The following TMEFF2 variants were observed in gnomAD, a reference collection of about 807,000 sequenced individuals.
TMEFF2 encodes transmembrane protein with EGF like and two follistatin like domains 2, also known as tomoregulin-2.
In TMEFF2, 28 loss-of-function variants were observed where a neutral mutation model predicts 53.8. The ratio of observed to expected loss-of-function variants is 0.52; its 90% confidence interval spans 0.39 to 0.71. The LOEUF is 0.71. TMEFF2 is among the 30% of genes least tolerant of loss of function. TMEFF2 has a pLI of 0.00. For missense variants in TMEFF2, 353 were observed against 455.2 expected, an observed-to-expected ratio of 0.78 and a Z score of 2.04; for synonymous variants, 162 against 166.3, an observed-to-expected ratio of 0.97 and a Z score of 0.20.
At chr2:192,075,332 T>TATATATATATATATATATACAC (rs796267672) in intron 4 of TMEFF2, among the ~76,000 whole-genome samples, 1 of 88,146 alleles carries the variant, frequency 1.1e-5, no homozygotes, top group African/African-American at 4.1e-5. Flanking sequence ...TATATATATA[T>TATATATATATATATATATACAC]ACATACATAC....
intron 4 of TMEFF2, among the ~76,000 whole-genome samples, chr2:192,126,731 C>T (rs67194313): frequency 0.15 from 22,383 of 152,098 alleles, 2,388 homozygotes; most frequent in African/African-American, 0.28. Flanking sequence ...GAAACTGAGG[C>T]TCAGAGAGAC....
chr2:192,165,050 C>A (rs1413590778), intron 4 of TMEFF2, among the ~76,000 whole-genome samples: 1 of 147,854 alleles, frequency 6.8e-6, no homozygotes, highest in Non-Finnish European at 1.5e-5. Context: ...GACTAGCAAG[C>A]CAAAGACACA....
At chr2:192,002,999 A>G (rs13432794) in intron 5 of TMEFF2, among the ~76,000 whole-genome samples, 32,487 of 152,134 alleles carry the variant, frequency 0.21, 4,165 homozygotes, top group East Asian at 0.41. Flanking sequence ...AAGCTTATTC[A>G]GTCAGAAAAA....
chr2:192,099,663 A>G (rs1270568395), intron 4 of TMEFF2, among the ~76,000 whole-genome samples: 1 of 152,108 alleles, frequency 6.6e-6, no homozygotes, highest in Non-Finnish European at 1.5e-5. Flanking sequence ...GTTTTTTGGT[A>G]TTGATTTTTT....
chr2:192,125,379 CATA>C (rs1455896526), intron 4 of TMEFF2, among the ~76,000 whole-genome samples: 1 of 152,040 alleles, frequency 6.6e-6, no homozygotes, highest in Non-Finnish European at 1.5e-5. Flanking sequence ...TATACTATTT[CATA>C]ATTTTAAAAA....
At chr2:192,193,336 A>G (rs767888450) in intron 1 of TMEFF2, among the ~76,000 whole-genome samples, 16 of 152,244 alleles carry the variant, frequency 1.1e-4, no homozygotes, top group African/African-American at 7.2e-5. Flanking sequence ...AATTCTGCCC[A>G]GTATACTACA....
At chr2:192,134,138 C>T (rs1487513097) in intron 4 of TMEFF2, among the ~76,000 whole-genome samples, 1 of 152,198 alleles carries the variant, frequency 6.6e-6, no homozygotes, top group South Asian at 2.1e-4. Context: ...CTACATTTCT[C>T]ATAACTTCCA....
chr2:192,105,169 G>A (rs1689117234), intron 4 of TMEFF2, among the ~76,000 whole-genome samples: 1 of 151,940 alleles, frequency 6.6e-6, no homozygotes, highest in African/African-American at 2.4e-5. Flanking sequence ...ACACAAAGCT[G>A]TGTTTTTTCC....
chr2:192,193,798 A>AGAGAGAGAGGGAGG (rs1553534710), intron 1 of TMEFF2, among the ~76,000 whole-genome samples: 12 of 139,828 alleles, frequency 8.6e-5, no homozygotes, highest in African/African-American at 3.4e-4. Flanking sequence ...AGAGAGAGAG[A>AGAGAGAGAGGGAGG]GAGAGAGAGA....
chr2:191,968,152 C>T (rs1692521033), intron 7 of TMEFF2, among the ~76,000 whole-genome samples: 1 of 152,116 alleles, frequency 6.6e-6, no homozygotes, highest in Admixed American at 6.5e-5. Flanking sequence ...AATGAAGCAT[C>T]CTTGCAAATA....
chr2:192,015,713 C>T (rs763809028), intron 5 of TMEFF2, among the ~76,000 whole-genome samples: 3 of 152,076 alleles, frequency 2.0e-5, no homozygotes, highest in Non-Finnish European at 2.9e-5. Context: ...GGGGAAGGCT[C>T]GTTTCTATGA....
At chr2:192,170,583 A>T (rs1574432674) in intron 4 of TMEFF2, among the ~76,000 whole-genome samples, 1 of 152,052 alleles carries the variant, frequency 6.6e-6, no homozygotes, top group South Asian at 2.1e-4. Flanking sequence ...GCAGCTGGAA[A>T]ATTAGAAGAA....
chr2:192,055,691 CTT>C (rs1449994557), intron 5 of TMEFF2, among the ~76,000 whole-genome samples: 1 of 141,800 alleles, frequency 7.1e-6, no homozygotes, highest in Non-Finnish European at 1.5e-5. Context: ...AGAAGAATCT[CTT>C]GAACCCGGGA....
chr2:192,170,530 T>C (rs541381153), intron 4 of TMEFF2, among the ~76,000 whole-genome samples: 1 of 151,928 alleles, frequency 6.6e-6, no homozygotes, highest in South Asian at 2.1e-4. Context: ...AACGACAGAA[T>C]AGCAATCCAG....
intron 4 of TMEFF2, among the ~76,000 whole-genome samples, chr2:192,166,733 T>A (rs1690778465): frequency 6.6e-6 from 1 of 152,078 alleles, no homozygotes; most frequent in South Asian, 2.1e-4. Context: ...ATGGATGGGA[T>A]TAGGGCAGAG....
chr2:192,167,013 G>T (rs1459983671), intron 4 of TMEFF2, among the ~76,000 whole-genome samples: 1 of 152,022 alleles, frequency 6.6e-6, no homozygotes, highest in Non-Finnish European at 1.5e-5. Context: ...TCTTGAAAAG[G>T]CATCAAAATA....
chr2:192,038,336 A>C (rs941599405), intron 5 of TMEFF2, among the ~76,000 whole-genome samples: 2 of 152,212 alleles, frequency 1.3e-5, no homozygotes, highest in Non-Finnish European at 2.9e-5. Flanking sequence ...GAATACTAAT[A>C]GTACATAACT....
In TMEFF2 at chr2:192,008,089, G is replaced by A. The variant is rs1686543867; in HGVS notation, c.537-8881C>T. 2.6e-5 allele frequency among the ~76,000 whole-genome samples: 4 copies of A among 152,032 alleles called. No homozygotes were observed. In the South Asian group the frequency reaches 8.3e-4, roughly 32 times the overall value. On this transcript the variant is annotated intron_variant, in intron 5 of 9. Transcript: ENST00000272771. The stretch of plus-strand genomic sequence containing the variant: ...GGAGAGTTTTCTGCCCTCACTATTG[G>A]GACAGAAGCAAACAGGCTTCTATCA...
At chr2:191,974,043 T>C (rs1169209617) in intron 7 of TMEFF2, among the ~76,000 whole-genome samples, 1 of 152,218 alleles carries the variant, frequency 6.6e-6, no homozygotes, top group Non-Finnish European at 1.5e-5. Context: ...GAGAATGGAC[T>C]AATACCCAGA....
Sources: gnomAD v4.1 joint callset for allele counts (sites outside exome capture counted in the v4.1 genomes callset) on GRCh38, gnomAD v4.1.1 for gene constraint, MANE v1.5 for transcripts, NCBI Gene and HGNC (gene_info 2026-07-23, HGNC 2026-07-21) for gene names.